Variants in KRT10 observed in about 807,000 individuals in gnomAD.
KRT10 encodes the protein keratin 10, also known as keratin, type I cytoskeletal 10.
Under a neutral mutation model 59.2 loss-of-function variants are expected in KRT10, and 40 were observed. The observed-to-expected ratio is 0.68, with a 90% CI of 0.52 to 0.88. KRT10 has a LOEUF of 0.88. Ranked by LOEUF, KRT10 falls within the 40% of genes least tolerant of loss-of-function variation. The probability of loss-of-function intolerance (pLI) is 0.00; values close to 1 mark genes in which losing one functional copy is unlikely to be tolerated. For missense variants in KRT10, 719 were observed against 749.1 expected, an observed-to-expected ratio of 0.96 and a Z score of 0.47; for synonymous variants, 336 against 310.7, an observed-to-expected ratio of 1.08 and a Z score of -0.86.
chr17:40,818,686 A>C, intron 7 of KRT10, 101 bp downstream of exon 7: 1 of 1,567,866 alleles, frequency 6.4e-7, no homozygotes, highest in South Asian at 1.1e-5. Flanking sequence ...ACCGTCTCTA[A>C]GATTTTTAAT....
chr17:40,820,430 G>A lies in KRT10; in HGVS notation c.868-7C>T. 1 of 1,614,112 alleles carries A rather than the reference G, an allele frequency of 6.2e-7. No individual in the cohort carries two copies. The stretch of plus-strand genomic sequence containing the variant: ...TTCGAAGGTCTTTCATTTCCTGTTT[G>A]AGGAACAGAAAGATTTATTGGCTAC... On this transcript the variant is annotated splice_region_variant and splice_polypyrimidine_tract_variant and intron_variant, in intron 3 of 7. Coordinates refer to ENST00000269576, the MANE Select transcript of KRT10 (RefSeq NM_000421.5).
rs1394937510 is a variant in KRT10 at position 40,821,947 on chromosome 17, A to T, written c.627+12T>A. The T allele has an allele frequency of 4.3e-6, 7 of 1,613,768 alleles. No homozygotes were observed. In the East Asian group the frequency reaches 1.6e-4, roughly 36 times the overall value. On this transcript the variant is annotated intron_variant, in intron 1 of 7. Transcript: ENST00000269576. ...CAAGATACTTAAAGCTGGATTTAAA[A>T]ATACCTCTTACCTGATTTTTAAGGT...
chr17:40,820,329 A>G lies in KRT10; in HGVS notation c.962T>C (p.Met321Thr), dbSNP rs1417889897. The G allele has an allele frequency of 5.0e-6, 8 of 1,614,004 alleles. No individual in the cohort carries two copies. The highest frequency in any genetic ancestry group is 1.7e-5 in the Admixed American group (1 of 60,010). The change falls in exon 4 of 8, where the codon ATG becomes ACG. Residue 321 changes from methionine (M) to threonine (T), a missense_variant. Met to Thr is a moderately conservative substitution (Grantham distance 81). Transcript: ENST00000269576. ...AGCAAGTTGTTCATATTGGCTTCTC[A>G]TGTTATTCAGAAGTTGAGTCAGATC... is the stretch of plus-strand genomic sequence containing the variant. ...GVDLTQLLNN[M>T]RSQYEQLAEQ...
At chr17:40,818,522 G>A (rs748078113) in intron 7 of KRT10, 40 bp from the exon 8 acceptor site, 189 of 1,350,822 alleles carry the variant, frequency 1.4e-4, no homozygotes, top group Non-Finnish European at 1.9e-4. Flanking sequence ...ACAGTCTGTA[G>A]GGATCCTTAG....
chr17:40,818,441 C>T lies in KRT10; in HGVS notation c.*35G>A. ...GAAAGAACTCTACCGTCGGGCGCCA[C>T]CTCTTCAATAATTGTCTTGATTACT... On this transcript the variant is annotated 3_prime_UTR_variant, in exon 8 of 8. Transcript: ENST00000269576. 1.2e-6 allele frequency: 2 copies of T among 1,613,492 alleles called. No individual in the cohort carries two copies. Among genetic ancestry groups the T allele is most frequent in the Non-Finnish European group, 1.7e-6 (2 of 1,179,532 alleles).
In KRT10 at chr17:40,822,495, C is replaced by G. The variant is rs1567712927; in HGVS notation, c.91G>C (p.Val31Leu). 2 of 1,606,640 alleles carry G rather than the reference C, an allele frequency of 1.2e-6. No individual in the cohort carries two copies. Among genetic ancestry groups the G allele is most frequent in the Admixed American group, 1.7e-5 (1 of 59,832 alleles). ...CTGCTAGAAATTCTTAGGGATGACA[C>G]TCCTCCTCCTCCTCCACATCCTCCT... ...GGGGCGGGGG[V>L]SSLRISSSKG... The change falls in exon 1 of 8, where the codon GTG (valine) becomes CTG (leucine). Residue 31 changes from valine to leucine, a missense_variant. Val to Leu is a conservative substitution (Grantham distance 32, BLOSUM62 1). This residue lies in a region of KRT10 where 176 missense variants were observed against 175.7 expected (regional missense o/e 1.00). Transcript: ENST00000269576.
chr17:40,818,628 T>C, intron 7 of KRT10, 146 bp from the exon 8 acceptor site: 1 of 1,350,182 alleles, frequency 7.4e-7, no homozygotes, highest in Non-Finnish European at 1.0e-6. Context: ...GATCATGCCA[T>C]TTTTCACGGC....
Position 40,820,611 on chromosome 17 carries a change from C to T in KRT10, c.767G>A (p.Arg256His), listed in dbSNP as rs748865279. 102 of 1,614,088 alleles carry T rather than the reference C, an allele frequency of 6.3e-5. No homozygotes were observed. The highest frequency in any genetic ancestry group is 8.1e-5 in the Non-Finnish European group (95 of 1,180,034). ...QSVEADINGL[R>H]RVLDELTLTK... The stretch of plus-strand genomic sequence containing the variant: ...CAGGGTCAGCTCATCCAGCACCCTA[C>T]GCAGGCCGTTGATGTCAGCCTCCAC... The change falls in exon 3 of 8, where the codon CGT becomes CAT. Residue 256 changes from arginine to histidine, a missense_variant. Physicochemically the swap from Arg to His is conservative, Grantham distance 29. Around this residue, in one of 4 missense-constraint regions of KRT10, gnomAD observed 221 missense variants for 277.8 expected, o/e 0.80. Transcript: ENST00000269576.
rs753095095 is a variant in KRT10, at chr17:40,819,077, G to GCCGCCGCCGGAGCTT, written c.1443_1457dup (p.Ser482_Gly486dup). 5.0e-5 allele frequency: 70 copies of GCCGCCGCCGGAGCTT among 1,404,096 alleles called. No homozygotes were observed. In the East Asian group the frequency reaches 1.3e-3, roughly 26 times the overall value. The allele number at this position is 1,404,096 out of a possible 1,614,324, so 87.0% of individuals were successfully genotyped here. A position where few individuals can be genotyped will look rare whatever the true frequency, so the allele number is the denominator to read the frequency against. ...AACTGCCGCCGTGGCCGCCGCCGTG[G>GCCGCCGCCGGAGCTT]CCGCCGCCGGAGCTTCCGCCGCCGG... is the stretch of plus-strand genomic sequence containing the variant. On this transcript the variant is annotated inframe_insertion, in exon 7 of 8. Transcript: ENST00000269576.
Position 40,819,041 on chromosome 17 carries a change from G to GCTT in KRT10, c.1493_1494insAAG (p.Gly498_Tyr499insSer), listed in dbSNP as rs1227611823. Reference sequence around the variant, plus strand: ...CGCCGCCGGAGCTTCCGCCTCCGTAGCCGCCGCCGGAACTGCCGCCGTGGC... The same window carrying GCTT: ...CGCCGCCGGAGCTTCCGCCTCCGTAGCTTCCGCCGCCGGAACTGCCGCCGTGGC... On this transcript the variant is annotated inframe_insertion, in exon 7 of 8. Coordinates refer to ENST00000269576, the MANE Select transcript of KRT10 (RefSeq NM_000421.5). The GCTT allele has an allele frequency of 9.0e-6, 12 of 1,340,264 alleles. No homozygotes were observed. Among genetic ancestry groups the GCTT allele is most frequent in the South Asian group, 1.5e-5 (1 of 65,486 alleles). 83.0% of individuals were successfully genotyped at this position (1,340,264 alleles called of 1,614,324 possible).
chr17:40,818,738 C>T (rs1169750790), intron 7 of KRT10, 49 bp downstream of exon 7: 2 of 1,598,770 alleles, frequency 1.3e-6, no homozygotes, highest in Non-Finnish European at 1.7e-6. Context: ...AAAAAACCAT[C>T]ACAGGAAGTT....
At chr17:40,818,679 G>A (rs1597816451) in intron 7 of KRT10, 108 bp downstream of exon 7, 1 of 1,541,040 alleles carries the variant, frequency 6.5e-7, no homozygotes, top group Non-Finnish European at 8.8e-7. Context: ...AAACGGAACC[G>A]TCTCTAAGAT....
At chr17:40,818,669 A>G in intron 7 of KRT10, 118 bp downstream of exon 7, 1 of 1,520,776 alleles carries the variant, frequency 6.6e-7, no homozygotes, top group East Asian at 2.3e-5. Context: ...GAACAAATGC[A>G]AACGGAACCG....
At chr17:40,819,387 C>G in intron 6 of KRT10, 130 bp downstream of exon 6, 2 of 1,281,968 alleles carry the variant, frequency 1.6e-6, no homozygotes, top group Non-Finnish European at 2.2e-6. Flanking sequence ...TTGCGTACTC[C>G]TTTTTCTGTA....
Position 40,822,379 on chromosome 17 carries a change from G to A in KRT10, c.207C>T (p.Gly69=). 1 of 1,608,342 alleles carries A rather than the reference G, an allele frequency of 6.2e-7. No homozygotes were observed. Among genetic ancestry groups the A allele is most frequent in the African/African-American group, 1.3e-5 (1 of 74,506 alleles). ...CTAATCCTCCATAGCCACCTGATGA[G>A]CCCCCAAAGCAGCCCCCACCAGAGC... ...RGSSGGGCFG[G]SSGGYGGLGG... Residue 69 remains glycine, a synonymous_variant, in exon 1 of 8, where the codon GGC becomes GGT. Coordinates refer to ENST00000269576, the MANE Select transcript of KRT10 (RefSeq NM_000421.5).
rs761920455 is a variant in KRT10, at chr17:40,819,023, G to A, written c.1512C>T (p.Ser504=). ...SSGGGYGGGS[S]GGGSSGGGYG... ...AGCCGCCGCCGGAGCTTCCGCCGCC[G>A]GAGCTTCCGCCTCCGTAGCCGCCGC... Residue 504 remains serine, a synonymous_variant, in exon 7 of 8, where the codon TCC becomes TCT. Transcript: ENST00000269576. 3.5e-4 allele frequency: 475 copies of A among 1,373,088 alleles called. 2 individuals are homozygous for A. Among genetic ancestry groups the A allele is most frequent in the Non-Finnish European group, 4.0e-4 (422 of 1,053,880 alleles). The allele number at this position is 1,373,088 out of a possible 1,614,324, so 85.1% of individuals were successfully genotyped here. A position where few individuals can be genotyped will look rare whatever the true frequency, so the allele number is the denominator to read the frequency against.
chr17:40,819,844 A>C (rs1905265770), intron 5 of KRT10, 110 bp from the exon 6 acceptor site: 1 of 1,158,470 alleles, frequency 8.6e-7, no homozygotes, highest in South Asian at 1.3e-5. Context: ...AAATGAACAG[A>C]ATTTGTTGTA....
In KRT10 at chr17:40,819,542, G is replaced by C; in HGVS notation, c.1348C>G (p.Arg450Gly). ...CTTCCCTCTCCTTCTAGCAGGCTGCGGTAGGTTTGAATTTCATTCTCCAGT... is the reference window on the plus strand; with the variant it reads ...CTTCCCTCTCCTTCTAGCAGGCTGCCGTAGGTTTGAATTTCATTCTCCAGT... ...IRLENEIQTYRSLLEGEGSSG... is the reference protein window; with the variant it reads ...IRLENEIQTYGSLLEGEGSSG... The change falls in exon 6 of 8, where the codon CGC becomes GGC. Residue 450 changes from arginine to glycine, a missense_variant. Coordinates refer to ENST00000269576, the MANE Select transcript of KRT10 (RefSeq NM_000421.5). 6.2e-7 allele frequency: 1 copy of C among 1,614,030 alleles called. No homozygotes were observed. Among genetic ancestry groups the C allele is most frequent in the Non-Finnish European group, 8.5e-7 (1 of 1,179,900 alleles).
In KRT10 at chr17:40,822,279, C is replaced by G. The variant is rs917824457; in HGVS notation, c.307G>C (p.Gly103Arg). 5 of 1,599,956 alleles carry G rather than the reference C, an allele frequency of 3.1e-6. No homozygotes were observed. The highest frequency in any genetic ancestry group is 4.3e-6 in the Non-Finnish European group (5 of 1,170,310). The stretch of plus-strand genomic sequence containing the variant: ...CTGCCACCTCCGAAACTGCCCCCTC[C>G]AAAGATGCCTCCATAACTCCCACCA... ...SFGGSYGGIF[G>R]GGSFGGGSFG... Residue 103 changes from glycine (G) to arginine (R), a missense_variant, in exon 1 of 8, where the codon GGA (glycine) becomes CGA (arginine). Coordinates refer to ENST00000269576, the MANE Select transcript of KRT10 (RefSeq NM_000421.5).
Sources: allele counts gnomAD v4.1 joint callset, GRCh38; gene constraint gnomAD v4.1.1; regional missense constraint gnomAD v4.1.1; transcripts MANE v1.5; gene names NCBI Gene and HGNC (gene_info 2026-07-23, HGNC 2026-07-21).